Variants in KIF6 observed in about 807,000 individuals in gnomAD.
KIF6 encodes kinesin family member 6.
KIF6 carries 106 observed loss-of-function variants against 112.7 expected under a neutral mutation model. The observed-to-expected ratio is 0.94, with a 90% CI of 0.80 to 1.11. The LOEUF (loss-of-function observed/expected upper bound fraction) is 1.11, where lower values mean the gene tolerates loss of function less well. Ranked by LOEUF, KIF6 falls within the 50% of genes least tolerant of loss-of-function variation. The probability of loss-of-function intolerance (pLI) is 0.00; values close to 1 mark genes in which losing one functional copy is unlikely to be tolerated. For missense variants in KIF6, 929 were observed against 964.0 expected (o/e 0.96, Z 0.48); for synonymous variants, 339 against 339.9 (o/e 1.00, Z 0.03).
At chr6:39,585,075 T>C (rs567761572) in intron 8 of KIF6, 91 bp from the exon 9 acceptor site, 11 of 765,816 alleles carry the variant, frequency 1.4e-5, no homozygotes, top group South Asian at 1.1e-4. Flanking sequence ...AGAAAAAAGA[T>C]ACACACCTAA....
intron 3 of KIF6, among the ~76,000 whole-genome samples, chr6:39,680,204 C>T (rs926601637): frequency 3.3e-5 from 5 of 151,514 alleles, no homozygotes; most frequent in South Asian, 2.1e-4. Context: ...CACAAAGTTT[C>T]GCCATGTTGG....
chr6:39,715,565 G>A (rs1488253527), intron 2 of KIF6, among the ~76,000 whole-genome samples: 1 of 150,198 alleles, frequency 6.7e-6, no homozygotes, highest in African/African-American at 2.5e-5. Flanking sequence ...GTGCAGTGGC[G>A]CTATCTCGCC....
intron 22 of KIF6, among the ~76,000 whole-genome samples, chr6:39,338,426 C>T (rs1763145861): frequency 6.6e-6 from 1 of 152,212 alleles, no homozygotes; most frequent in African/African-American, 2.4e-5. Context: ...ATTCTGTGTG[C>T]AAGACCTCTG....
chr6:39,531,742 A>G (rs951379499), intron 13 of KIF6, among the ~76,000 whole-genome samples: 1 of 151,792 alleles, frequency 6.6e-6, no homozygotes, highest in East Asian at 1.9e-4. Context: ...CCAGCATCCA[A>G]TCTGCCCCAG....
At chr6:39,400,067 C>G (rs1332414248) in intron 15 of KIF6, among the ~76,000 whole-genome samples, 1 of 152,192 alleles carries the variant, frequency 6.6e-6, no homozygotes, top group Non-Finnish European at 1.5e-5. Flanking sequence ...AGTCTGGGGA[C>G]TTGCTTTGAT....
intron 15 of KIF6, among the ~76,000 whole-genome samples, chr6:39,400,008 C>T (rs931559116): frequency 5.3e-5 from 8 of 152,216 alleles, no homozygotes; most frequent in Non-Finnish European, 1.0e-4. Flanking sequence ...CTCAGGCAGG[C>T]GCTCCAGAGC....
intron 13 of KIF6, among the ~76,000 whole-genome samples, chr6:39,480,908 C>T (rs1202977379): frequency 6.6e-6 from 1 of 151,844 alleles, no homozygotes; most frequent in African/African-American, 2.4e-5. Flanking sequence ...TAATATTTCC[C>T]ATTTCATTTC....
At chr6:39,665,201 C>G (rs1263999232) in intron 3 of KIF6, among the ~76,000 whole-genome samples, 1 of 152,052 alleles carries the variant, frequency 6.6e-6, no homozygotes, top group African/African-American at 2.4e-5. Context: ...ATGGGTCACC[C>G]CCATATATTC....
intron 13 of KIF6, among the ~76,000 whole-genome samples, chr6:39,521,156 C>T (rs115783262): frequency 6.6e-6 from 1 of 152,160 alleles, no homozygotes; most frequent in African/African-American, 2.4e-5. Flanking sequence ...TAATTATTGT[C>T]TCTCATCACA....
chr6:39,529,343 T>C (rs556779943), intron 13 of KIF6, among the ~76,000 whole-genome samples: 2 of 152,130 alleles, frequency 1.3e-5, no homozygotes, highest in African/African-American at 4.8e-5. Flanking sequence ...TGCAGAACAA[T>C]GTAAACAACA....
intron 19 of KIF6, among the ~76,000 whole-genome samples, chr6:39,348,557 C>T (rs567688251): frequency 4.3e-4 from 66 of 152,190 alleles, no homozygotes; most frequent in Non-Finnish European, 8.8e-4. Context: ...CTGCCCTCTC[C>T]CTTTGCCCAA....
intron 15 of KIF6, among the ~76,000 whole-genome samples, chr6:39,392,653 C>A (rs531676116): frequency 1.3e-5 from 2 of 152,054 alleles, no homozygotes; most frequent in South Asian, 2.1e-4. Flanking sequence ...AGGAAATAAA[C>A]CCTAGATGGG....
chr6:39,525,579 ACC>A (rs577793096), intron 13 of KIF6, among the ~76,000 whole-genome samples: 285 of 152,020 alleles, frequency 1.9e-3, no homozygotes, highest in African/African-American at 6.4e-3. Flanking sequence ...ACATGGCAAA[ACC>A]CCGTCTCTAC....
Position 39,546,869 on chromosome 6 carries a change from G to A in KIF6, c.1182-1181C>T, listed in dbSNP as rs1179033200. ...AGTCCTAGTTTATTCATAGCACCAC[G>A]TGCCAATGTAGCATTCTAGTACTTT... On this transcript the variant is annotated intron_variant, in intron 10 of 22. Transcript: ENST00000287152. Among the ~76,000 whole-genome samples, 3 of 150,044 alleles carry A rather than the reference G, an allele frequency of 2.0e-5. No individual in the cohort carries two copies. In the East Asian group the frequency reaches 5.9e-4, roughly 29 times the overall value.
chr6:39,552,621 T>C lies in KIF6; in HGVS notation c.1182-6933A>G, dbSNP rs949366123. 1.1e-3 allele frequency among the ~76,000 whole-genome samples: 162 copies of C among 152,250 alleles called. 2 individuals carry two copies. The highest frequency in any genetic ancestry group is 3.1e-4 in the Non-Finnish European group (21 of 68,038). On this transcript the variant is annotated intron_variant, in intron 10 of 22. Coordinates refer to ENST00000287152, the MANE Select transcript of KIF6 (RefSeq NM_145027.6). ...TTTCCACATGCCATAATCTCTGACA[T>C]ACTATATTTGTATTTTCAATTTAGA...
At chr6:39,605,572 C>T (rs567258723) in intron 6 of KIF6, among the ~76,000 whole-genome samples, 29 of 152,028 alleles carry the variant, frequency 1.9e-4, no homozygotes, top group African/African-American at 6.7e-4. Flanking sequence ...TTTAGATATC[C>T]ATTTGTATCA....
chr6:39,711,256 A>T (rs551440798), intron 3 of KIF6, among the ~76,000 whole-genome samples: 2 of 149,520 alleles, frequency 1.3e-5, no homozygotes, highest in East Asian at 3.9e-4. Flanking sequence ...AAAGAAAAAA[A>T]TCCTAAAAAC....
chr6:39,417,135 C>T (rs1030373449), intron 15 of KIF6, among the ~76,000 whole-genome samples: 39 of 152,174 alleles, frequency 2.6e-4, no homozygotes, highest in Non-Finnish European at 1.2e-4. Context: ...TCAAGGTTGC[C>T]TTGGAAATTT....
At chr6:39,381,296 A>G (rs1049355440) in intron 16 of KIF6, among the ~76,000 whole-genome samples, 4 of 152,220 alleles carry the variant, frequency 2.6e-5, no homozygotes, top group Non-Finnish European at 5.9e-5. Flanking sequence ...TAGGCAAAAG[A>G]AAGAAACAAT....
Sources: allele counts gnomAD v4.1 joint callset (sites outside exome capture counted in the v4.1 genomes callset), GRCh38; gene constraint gnomAD v4.1.1; transcripts MANE v1.5; gene names NCBI Gene and HGNC (gene_info 2026-07-23, HGNC 2026-07-21).